The following ARB2A variants were observed in gnomAD, a reference collection of about 807,000 sequenced individuals.
ARB2A encodes the protein cotranscriptional regulator ARB2A.
the ARB2A span, among the ~76,000 whole-genome samples, chr5:93,725,808 AT>A: frequency 6.6e-6 from 1 of 152,102 alleles, no homozygotes; most frequent in Non-Finnish European, 1.5e-5. Flanking sequence ...TAGGATTAAT[AT>A]GAAGAACTAA....
chr5:94,020,202 G>A, the ARB2A span, among the ~76,000 whole-genome samples: 3 of 148,948 alleles, frequency 2.0e-5, no homozygotes, highest in African/African-American at 7.4e-5. Flanking sequence ...TCATAAGTGG[G>A]AGTTTGGGAG....
chr5:93,718,341 A>C, the ARB2A span, among the ~76,000 whole-genome samples: 1,174 of 152,118 alleles, frequency 7.7e-3, 22 homozygotes, highest in Non-Finnish European at 6.2e-3. Context: ...CGGGAGGCTG[A>C]GGCAGGAGAA....
At chr5:94,066,422 G>GCACA in the ARB2A span, among the ~76,000 whole-genome samples, 3,715 of 132,460 alleles carry the variant, frequency 0.028, 58 homozygotes, top group East Asian at 0.099. Flanking sequence ...GCCAGACTAA[G>GCACA]CACACACACA....
At chr5:94,010,499 T>A in the ARB2A span, among the ~76,000 whole-genome samples, 1 of 152,144 alleles carries the variant, frequency 6.6e-6, no homozygotes, top group South Asian at 2.1e-4. Context: ...TTCTGAATCT[T>A]CAGCTCAAAC....
the ARB2A span, among the ~76,000 whole-genome samples, chr5:93,959,827 G>A: frequency 3.2e-3 from 487 of 152,168 alleles, 6 homozygotes; most frequent in African/African-American, 0.011. Context: ...AACACTTTTA[G>A]AAAGAGATAA....
chr5:94,071,318 T>A, the ARB2A span, among the ~76,000 whole-genome samples: 1 of 152,056 alleles, frequency 6.6e-6, no homozygotes, highest in African/African-American at 2.4e-5. Context: ...GAGAAAACCT[T>A]CATAAACTAG....
At chr5:94,020,103 G>A in the ARB2A span, among the ~76,000 whole-genome samples, 3 of 152,178 alleles carry the variant, frequency 2.0e-5, no homozygotes, top group African/African-American at 7.2e-5. Flanking sequence ...ATGAGTTCAT[G>A]TCCTTTGCAG....
chr5:94,102,123 G>C, the ARB2A span, among the ~76,000 whole-genome samples: 7 of 147,050 alleles, frequency 4.8e-5, no homozygotes, highest in Non-Finnish European at 1.0e-4. Context: ...AAAAAAGTCA[G>C]AGTGTCTTCC....
chr5:93,987,361 AC>A, the ARB2A span, among the ~76,000 whole-genome samples: 2 of 152,174 alleles, frequency 1.3e-5, no homozygotes, highest in Non-Finnish European at 2.9e-5. Flanking sequence ...GTTTGGCTAA[AC>A]CTAAAAGGGC....
chr5:93,980,894 T>C, the ARB2A span, among the ~76,000 whole-genome samples: 5 of 152,144 alleles, frequency 3.3e-5, no homozygotes, highest in African/African-American at 1.2e-4. Flanking sequence ...CAAAAGATAA[T>C]ATGCCTATAG....
the ARB2A span, among the ~76,000 whole-genome samples, chr5:94,077,736 G>T: frequency 6.6e-6 from 1 of 152,128 alleles, no homozygotes. Context: ...AGAATAAAGC[G>T]GTGGAAGGTT....
the ARB2A span, among the ~76,000 whole-genome samples, chr5:93,819,113 G>C: frequency 6.8e-6 from 1 of 147,308 alleles, no homozygotes; most frequent in South Asian, 2.2e-4. Context: ...GTGAACCCGG[G>C]AGGCGGAGCT....
chr5:93,968,457 C>T, the ARB2A span, among the ~76,000 whole-genome samples: 1 of 152,014 alleles, frequency 6.6e-6, no homozygotes, highest in African/African-American at 2.4e-5. Flanking sequence ...GTAGACTGGA[C>T]ATGGCCAAGG....
At chr5:94,072,511 G>A in the ARB2A span, among the ~76,000 whole-genome samples, 9 of 152,104 alleles carry the variant, frequency 5.9e-5, no homozygotes, top group East Asian at 9.6e-4. Context: ...AATAATGATC[G>A]TAACAACTCA....
the ARB2A span, among the ~76,000 whole-genome samples, chr5:93,940,508 T>A: frequency 6.6e-6 from 1 of 151,996 alleles, no homozygotes; most frequent in Admixed American, 6.6e-5. Context: ...AGTTAGAATT[T>A]CTAATATGTA....
chr5:93,722,953 A>G, the ARB2A span, among the ~76,000 whole-genome samples: 2 of 152,304 alleles, frequency 1.3e-5, no homozygotes, highest in Admixed American at 1.3e-4. Flanking sequence ...CATATTCTAT[A>G]ATGCAGTAAA....
chr5:93,623,801 A>C, the ARB2A span, among the ~76,000 whole-genome samples: 15 of 152,238 alleles, frequency 9.9e-5, no homozygotes, highest in African/African-American at 3.6e-4. Context: ...GAAGGGAGAG[A>C]ATTCTCCCTA....
chr5:93,759,684 C>A, the ARB2A span, among the ~76,000 whole-genome samples: 1 of 152,110 alleles, frequency 6.6e-6, no homozygotes, highest in African/African-American at 2.4e-5. Context: ...TAGCATTTGA[C>A]AAAATCCAGC....
At chr5:93,785,418 ATTTC>A in the ARB2A span, among the ~76,000 whole-genome samples, 4,287 of 152,194 alleles carry the variant, frequency 0.028, 184 homozygotes, top group African/African-American at 0.098. Flanking sequence ...AAAAAGAACA[ATTTC>A]TTTATCATTT....
Sources: allele counts gnomAD v4.1 joint callset (sites outside exome capture counted in the v4.1 genomes callset), GRCh38; gene constraint gnomAD v4.1.1; transcripts MANE v1.5; gene names NCBI Gene and HGNC (gene_info 2026-07-23, HGNC 2026-07-21).